Variants in ZNF665 observed in about 807,000 individuals in gnomAD.
ZNF665 encodes zinc finger protein 665.
Under a neutral mutation model 7.9 loss-of-function variants are expected in ZNF665, and 6 were observed. The ratio of observed to expected loss-of-function variants is 0.76; its 90% CI spans 0.42 to 1.50. ZNF665 has a LOEUF of 1.50. ZNF665 is among the 40% of genes most tolerant of loss of function. The probability of loss-of-function intolerance (pLI) is 0.01; values close to 1 mark genes in which losing one functional copy is unlikely to be tolerated. For synonymous variants in ZNF665, 242 were observed against 274.5 expected, an observed-to-expected ratio of 0.88 and a Z score of 1.17; for missense variants, 819 against 806.7, an observed-to-expected ratio of 1.02 and a Z score of -0.18.
At chr19:53,179,364 C>T (rs113245491) in intron 2 of ZNF665, among the ~76,000 whole-genome samples, 6 of 106,590 alleles carry the variant, frequency 5.6e-5, no homozygotes, top group African/African-American at 1.1e-4. Context: ...TGACACAGAG[C>T]GAGATTCCGT....
chr19:53,170,891 A>T (rs2146848651), intron 3 of ZNF665, among the ~76,000 whole-genome samples: 1 of 152,290 alleles, frequency 6.6e-6, no homozygotes, highest in African/African-American at 2.4e-5. Context: ...CCTACGATTG[A>T]CTGGAAGCTT....
At position 53,164,999 on chromosome 19, in the gene ZNF665, T is replaced by C. The variant is rs974473957; in HGVS notation, c.1491A>G (p.Gln497=). 6 of 1,613,868 alleles carry C rather than the reference T, an allele frequency of 3.7e-6. No homozygotes were observed. Among genetic ancestry groups the C allele is most frequent in the South Asian group, 1.1e-5 (1 of 91,064 alleles). Residue 497 remains glutamine (Q), a synonymous_variant, in exon 4 of 4, where the codon CAA becomes CAG. Transcript: ENST00000396424. ...TCCAATGCCTTGCAAGTTGTGATGT[T>C]TGACTGAAGGCTTTACCACATTCAT... The part of the protein sequence containing the change: ...KCDECGKAFS[Q]TSQLARHWRV...
chr19:53,183,022 C>A (rs1240081654), intron 1 of ZNF665, 79 bp from the exon 2 acceptor site: 1 of 1,434,620 alleles, frequency 7.0e-7, no homozygotes, highest in East Asian at 2.3e-5. Context: ...AATCAACACA[C>A]CCCCTCCCTG....
At chr19:53,172,611 G>C (rs2090666649) in intron 3 of ZNF665, among the ~76,000 whole-genome samples, 1 of 152,102 alleles carries the variant, frequency 6.6e-6, no homozygotes, top group African/African-American at 2.4e-5. Flanking sequence ...GATCATGTGA[G>C]ACCAGGGGTT....
intron 2 of ZNF665, among the ~76,000 whole-genome samples, chr19:53,179,139 C>T (rs986696265): frequency 8.6e-5 from 13 of 151,784 alleles, no homozygotes; most frequent in African/African-American, 2.2e-4. Flanking sequence ...TTTGGGAGGC[C>T]GAGGCGGGTG....
chr19:53,165,554 A>G lies in ZNF665; in HGVS notation c.936T>C (p.His312=), dbSNP rs781320527. The part of the protein sequence containing the change: ...NSHLASHRRI[H]TGEKPYKCNE... ...TACACTTGTAAGGCTTCTCCCCAGT[A>G]TGAATTCTTCGATGACTTGCAAGGT... Residue 312 remains histidine, a synonymous_variant, in exon 4 of 4, where the codon CAT becomes CAC. Transcript: ENST00000396424. 4 of 1,614,064 alleles carry G rather than the reference A, an allele frequency of 2.5e-6. No individual in the cohort carries two copies. The highest frequency in any genetic ancestry group is 1.6e-4 in the Middle Eastern group (1 of 6,084).
chr19:53,166,192 A>T lies in ZNF665; in HGVS notation c.298T>A (p.Cys100Ser). 1 of 1,613,834 alleles carries T rather than the reference A, an allele frequency of 6.2e-7. No individual in the cohort carries two copies. Residue 100 changes from cysteine (C) to serine (S), a missense_variant, in exon 4 of 4, where the codon TGT becomes AGT. Transcript: ENST00000396424. ...EVQKNTYDFE[C>S]QWKDDEGNYK... is the part of the protein sequence containing the mutation. Reference sequence around the variant, plus strand: ...TTTCCTTCATCATCTTTCCACTGACACTCAAAGTCGTATGTATTTTTCTGA... The same window carrying T: ...TTTCCTTCATCATCTTTCCACTGACTCTCAAAGTCGTATGTATTTTTCTGA...
intron 1 of ZNF665, among the ~76,000 whole-genome samples, chr19:53,189,369 T>G (rs868552218): frequency 1.8e-4 from 27 of 150,880 alleles, no homozygotes; most frequent in African/African-American, 5.8e-4. Flanking sequence ...CCCGAATGTC[T>G]GGCTGCGCTG....
At chr19:53,189,806 G>C (rs375911100) in intron 1 of ZNF665, among the ~76,000 whole-genome samples, 1 of 151,910 alleles carries the variant, frequency 6.6e-6, no homozygotes, top group Non-Finnish European at 1.5e-5. Context: ...AGTCTGCTAA[G>C]TAGCGGGTGT....
chr19:53,167,805 C>A (rs559510535), intron 3 of ZNF665, among the ~76,000 whole-genome samples: 1 of 147,796 alleles, frequency 6.8e-6, no homozygotes. Flanking sequence ...GCCTGTAATC[C>A]CAGCACTTTG....
At chr19:53,169,535 T>A (rs919120356) in intron 3 of ZNF665, among the ~76,000 whole-genome samples, 4 of 152,274 alleles carry the variant, frequency 2.6e-5, no homozygotes, top group East Asian at 1.9e-4. Context: ...TTTCTTTTTT[T>A]ATTATTATTA....
chr19:53,183,994 A>G (rs905764319), intron 1 of ZNF665, among the ~76,000 whole-genome samples: 1 of 152,196 alleles, frequency 6.6e-6, no homozygotes, highest in African/African-American at 2.4e-5. Flanking sequence ...TCTTGCCTGT[A>G]ATCTCAGCAC....
chr19:53,189,749 T>C (rs9630862), intron 1 of ZNF665, among the ~76,000 whole-genome samples: 117,858 of 144,668 alleles, frequency 0.81, 48,892 homozygotes, highest in Non-Finnish European at 0.89. Context: ...GGTGGAGGAG[T>C]AGAGTCTTCT....
intron 2 of ZNF665, chr19:53,181,817 G>A (rs1156287989): frequency 2.0e-5 from 3 of 152,180 alleles, no homozygotes; most frequent in Non-Finnish European, 4.4e-5. Context: ...AGACACAAAT[G>A]TAGTAGCAAT....
At position 53,168,055 on chromosome 19, in the gene ZNF665, CAAAAAAAAAAA is replaced by C. The variant is rs57521729; in HGVS notation, c.143-1719_143-1709del. On this transcript the variant is annotated intron_variant, in intron 3 of 3. Transcript: ENST00000396424. ...TGGGCGACACAGCCTGACTCCCTCTCAAAAAAAAAAAAAAAAAAAAAAAAAAAGAAAGAAAG... is the reference window on the plus strand; with the variant it reads ...TGGGCGACACAGCCTGACTCCCTCTCAAAAAAAAAAAAAAAAGAAAGAAAG... Among the ~76,000 whole-genome samples the C allele has an allele frequency of 7.5e-5, 5 of 66,386 alleles. No individual in the cohort carries two copies. The East Asian group carries it at 2.0e-3, about 27-fold the overall frequency. The allele number at this position is 66,386 out of a possible 152,430, so 43.6% of individuals were successfully genotyped here.
rs2090747952 is a variant in ZNF665 at position 53,182,818 on chromosome 19, C to G, written c.15+66G>C. ...ATGCTTCAGACTCAGAGAAGATTCC[C>G]AACTCCAAGGTCCAAGGTTTCTGAA... On this transcript the variant is annotated intron_variant, in intron 2 of 3. Coordinates refer to ENST00000396424, the MANE Select transcript of ZNF665 (RefSeq NM_024733.5). The G allele has an allele frequency of 8.1e-6, 13 of 1,611,344 alleles. No individual in the cohort carries two copies. The South Asian group carries it at 1.4e-4, about 18-fold the overall frequency.
At chr19:53,174,834 G>A (rs937954503) in intron 3 of ZNF665, among the ~76,000 whole-genome samples, 1 of 151,980 alleles carries the variant, frequency 6.6e-6, no homozygotes, top group Non-Finnish European at 1.5e-5. Context: ...AGCTACTCGG[G>A]AGGCTGAGGC....
At position 53,175,302 on chromosome 19, in the gene ZNF665, C is replaced by A. The variant is rs2090688264; in HGVS notation, c.142+143G>T. ...GAAACAGCAAGATTAAAGTCCAGAT[C>A]CTGCATGATTAGGCTTTTCATTTAT... On this transcript the variant is annotated intron_variant, in intron 3 of 3. Coordinates refer to ENST00000396424, the MANE Select transcript of ZNF665 (RefSeq NM_024733.5). 3.8e-6 allele frequency: 4 copies of A among 1,055,570 alleles called. No individual in the cohort carries two copies. In the South Asian group the frequency reaches 6.4e-5, roughly 17 times the overall value. The allele number at this position is 1,055,570 out of a possible 1,614,324, so 65.4% of individuals were successfully genotyped here. A position where few individuals can be genotyped will look rare whatever the true frequency, so the allele number is the denominator to read the frequency against.
chr19:53,165,883 C>G lies in ZNF665; in HGVS notation c.607G>C (p.Glu203Gln), dbSNP rs201744058. Residue 203 changes from glutamate to glutamine, a missense_variant, in exon 4 of 4, where the codon GAG becomes CAG. Coordinates refer to ENST00000396424, the MANE Select transcript of ZNF665 (RefSeq NM_024733.5). ...LTSHKRIHTG[E>Q]KPYQCNKCGK... ...CACTTATTACACTGGTAAGGCTTCTCTCCAGTATGAATTCTCTTATGACTT... is the reference window on the plus strand; with the variant it reads ...CACTTATTACACTGGTAAGGCTTCTGTCCAGTATGAATTCTCTTATGACTT... 245 of 1,614,160 alleles carry G rather than the reference C, an allele frequency of 1.5e-4. 1 individual carries two copies. In the African/African-American group the frequency reaches 2.9e-3, roughly 19 times the overall value.
Sources: allele counts gnomAD v4.1 joint callset (sites outside exome capture counted in the v4.1 genomes callset), GRCh38; gene constraint gnomAD v4.1.1; transcripts MANE v1.5; gene names NCBI Gene and HGNC (gene_info 2026-07-23, HGNC 2026-07-21).